Variants in KLF17 observed in about 807,000 individuals in gnomAD.
The protein encoded by KLF17 is KLF transcription factor 17, also known as Krueppel-like factor 17.
In KLF17, 31 loss-of-function variants were observed where a neutral mutation model predicts 34.2. That is an observed-to-expected ratio of 0.91 (90% CI 0.68 to 1.22). The LOEUF (loss-of-function observed/expected upper bound fraction) is 1.22, where lower values mean the gene tolerates loss of function less well. KLF17 is among the 50% of genes most tolerant of loss of function. The pLI is 0.00. For missense variants in KLF17, 478 were observed against 505.2 expected (o/e 0.95, Z 0.52); for synonymous variants, 179 against 186.7 (o/e 0.96, Z 0.34).
At chr1:44,120,294 T>G (rs2087931466) in intron 1 of KLF17, among the ~76,000 whole-genome samples, 2 of 152,224 alleles carry the variant, frequency 1.3e-5, no homozygotes, top group Non-Finnish European at 2.9e-5. Context: ...AGAGCGAAGA[T>G]TCCAGATTTA....
the KLF17 span, chr1:44,110,254 C>T: frequency 6.6e-6 from 1 of 152,164 alleles, no homozygotes; most frequent in East Asian, 1.9e-4. Context: ...GAAAATGACC[C>T]AAAGGTTAAG....
At chr1:44,122,165 A>AC in intron 1 of KLF17, 1 of 1,576,166 alleles carries the variant, frequency 6.3e-7, no homozygotes, top group East Asian at 2.2e-5. Context: ...ATCGCCTAGG[A>AC]CCCCCTCTTC....
the KLF17 span, chr1:44,103,689 G>A: frequency 6.2e-7 from 1 of 1,604,294 alleles, no homozygotes; most frequent in Non-Finnish European, 8.5e-7. Flanking sequence ...GTCCTGCTTG[G>A]CCGGCTGGAG....
At chr1:44,049,882 T>C in the KLF17 span, among the ~76,000 whole-genome samples, 2 of 152,282 alleles carry the variant, frequency 1.3e-5, no homozygotes, top group Admixed American at 1.3e-4. Flanking sequence ...GAATATATAA[T>C]AATTTATCCA....
the KLF17 span, among the ~76,000 whole-genome samples, chr1:44,097,653 C>G: frequency 1.3e-5 from 2 of 152,038 alleles, no homozygotes; most frequent in Non-Finnish European, 1.5e-5. Flanking sequence ...TAGTACTATG[C>G]TGAATAAAAG....
At chr1:44,064,561 A>G in the KLF17 span, among the ~76,000 whole-genome samples, 94 of 152,332 alleles carry the variant, frequency 6.2e-4, no homozygotes, top group African/African-American at 1.8e-3. Flanking sequence ...ATAGCCAAAT[A>G]CCTTCTTTGG....
At chr1:44,046,425 T>A in the KLF17 span, among the ~76,000 whole-genome samples, 1 of 151,382 alleles carries the variant, frequency 6.6e-6, no homozygotes, top group Non-Finnish European at 1.5e-5. Context: ...TCTGCTGGAG[T>A]TGCCTAGGCT....
the KLF17 span, among the ~76,000 whole-genome samples, chr1:44,107,520 A>G: frequency 1.3e-5 from 2 of 152,222 alleles, no homozygotes; most frequent in Non-Finnish European, 1.5e-5. Flanking sequence ...CAAACAATTC[A>G]TAAATTTTAA....
chr1:44,087,418 G>A, the KLF17 span, among the ~76,000 whole-genome samples: 9 of 151,654 alleles, frequency 5.9e-5, no homozygotes, highest in Non-Finnish European at 1.2e-4. Context: ...ATCACACCCA[G>A]CTAATTAAAA....
chr1:44,077,222 G>A, the KLF17 span, among the ~76,000 whole-genome samples: 2 of 151,958 alleles, frequency 1.3e-5, no homozygotes, highest in South Asian at 4.2e-4. Context: ...GTGTGCGCCT[G>A]TAATCCCAGC....
chr1:44,119,601 A>G (rs2087924019), intron 1 of KLF17, among the ~76,000 whole-genome samples: 1 of 152,174 alleles, frequency 6.6e-6, no homozygotes, highest in Admixed American at 6.6e-5. Flanking sequence ...AGCAGATACC[A>G]GAGGTGTTTG....
chr1:44,062,934 C>T, the KLF17 span, among the ~76,000 whole-genome samples: 163 of 152,140 alleles, frequency 1.1e-3, no homozygotes, highest in African/African-American at 3.7e-3. Flanking sequence ...AAGACAAGTA[C>T]GAGAATGTTC....
chr1:44,127,639 C>T (rs6429650), intron 1 of KLF17, among the ~76,000 whole-genome samples: 11,286 of 76,884 alleles, frequency 0.15, 998 homozygotes, highest in African/African-American at 0.22. Flanking sequence ...CTTTTCTTTC[C>T]TTCTTTCTTT....
In KLF17 at chr1:44,130,714, C is replaced by A. The variant is rs1571994290; in HGVS notation, c.1128C>A (p.Asn376Lys). The A allele has an allele frequency of 6.2e-7, 1 of 1,614,110 alleles. No homozygotes were observed. Among genetic ancestry groups the A allele is most frequent in the East Asian group, 2.2e-5 (1 of 44,884 alleles). The change falls in exon 3 of 4, where the codon AAC becomes AAA. Residue 376 changes from asparagine (N) to lysine (K), a missense_variant. By Grantham distance (94) the Asn-to-Lys change is moderately conservative (BLOSUM62 0). Coordinates refer to ENST00000372299, the MANE Select transcript of KLF17 (RefSeq NM_173484.4). ...RPGPSDPQAN[N>K]NNGEQDSPPA... ...GACCCTCAGACCCACAGGCCAACAA[C>A]AACAATGGAGAGCAGGACAGTCCTC...
At chr1:44,046,815 G>A in the KLF17 span, among the ~76,000 whole-genome samples, 2 of 152,142 alleles carry the variant, frequency 1.3e-5, no homozygotes, top group Admixed American at 6.5e-5. Flanking sequence ...TTGAGGTCAG[G>A]AGTTCAAGAC....
the KLF17 span, chr1:44,051,546 T>G: frequency 1.3e-5 from 2 of 151,880 alleles, no homozygotes; most frequent in African/African-American, 4.8e-5. Flanking sequence ...GCTCAGGAAT[T>G]AAAGCCTTTG....
chr1:44,118,809 G>A, upstream of KLF17: 1 of 872,406 alleles, frequency 1.1e-6, no homozygotes, highest in Non-Finnish European at 1.7e-6. Context: ...GTAAATAGAA[G>A]GTGATTGTGG....
At chr1:44,045,641 T>C in the KLF17 span, among the ~76,000 whole-genome samples, 1 of 152,178 alleles carries the variant, frequency 6.6e-6, no homozygotes, top group East Asian at 1.9e-4. Flanking sequence ...GAAGAGGCAA[T>C]AGTTAAACAG....
chr1:44,100,725 C>T, the KLF17 span, among the ~76,000 whole-genome samples: 3 of 151,924 alleles, frequency 2.0e-5, no homozygotes, highest in East Asian at 5.8e-4. Flanking sequence ...GCGCAATCTC[C>T]ACTCACTGCA....
Sources: allele counts gnomAD v4.1 joint callset (sites outside exome capture counted in the v4.1 genomes callset), GRCh38; gene constraint gnomAD v4.1.1; transcripts MANE v1.5; gene names NCBI Gene and HGNC (gene_info 2026-07-23, HGNC 2026-07-21).